The following ZNF268 variants were observed in gnomAD, a reference collection of about 807,000 sequenced individuals.
ZNF268 encodes zinc finger protein 268.
A neutral mutation model predicts 29.3 loss-of-function variants in ZNF268; 20 were observed. That is an observed-to-expected ratio of 0.68 (90% confidence interval 0.48 to 0.99). The LOEUF (loss-of-function observed/expected upper bound fraction) is 0.99. Ranked by LOEUF, ZNF268 falls within the 50% of genes least tolerant of loss-of-function variation. The probability of loss-of-function intolerance (pLI) is 0.00; values close to 1 mark genes in which losing one functional copy is unlikely to be tolerated. For missense variants in ZNF268, 1,240 were observed against 1,121.6 expected, an observed-to-expected ratio of 1.11 and a Z score of -1.51; for synonymous variants, 429 against 376.9, an observed-to-expected ratio of 1.14 and a Z score of -1.60.
chr12:133,202,077 T>C (rs1956763084), intron 5 of ZNF268, 67 bp from the exon 6 acceptor site: 6 of 1,312,478 alleles, frequency 4.6e-6, no homozygotes, highest in Non-Finnish European at 6.2e-6. Flanking sequence ...TCTTATTTCA[T>C]AGGCAACTTT....
At chr12:133,191,705 G>C (rs749867621) in intron 4 of ZNF268, 90 bp downstream of exon 4, 3 of 1,565,782 alleles carry the variant, frequency 1.9e-6, no homozygotes, top group African/African-American at 1.4e-5. Context: ...GAAATACTTA[G>C]TGATTTTGGA....
At chr12:133,193,624 G>A in intron 5 of ZNF268, 1 of 496,392 alleles carries the variant, frequency 2.0e-6, no homozygotes, top group Non-Finnish European at 3.6e-6. Flanking sequence ...CATTCATGAG[G>A]GCACAACTTA....
chr12:133,189,180 G>T (rs978399244), intron 3 of ZNF268, among the ~76,000 whole-genome samples: 37 of 147,084 alleles, frequency 2.5e-4, no homozygotes, highest in Non-Finnish European at 4.0e-4. Flanking sequence ...CTGTTTTGTT[G>T]TTGCTGTTGT....
In ZNF268 at chr12:133,184,479, C is replaced by T. The variant is rs759866175; in HGVS notation, c.33+2449C>T. ...GGAAGGGGGCAAAAAGGGAAGAATGCTGTGTCCTCACATGGCCAAAGAGAT... is the reference window on the plus strand; with the variant it reads ...GGAAGGGGGCAAAAAGGGAAGAATGTTGTGTCCTCACATGGCCAAAGAGAT... On this transcript the variant is annotated intron_variant, in intron 2 of 5. Transcript: ENST00000536435. 1.8e-3 allele frequency among the ~76,000 whole-genome samples: 269 copies of T among 152,268 alleles called. 1 individual carries two copies. Among genetic ancestry groups the T allele is most frequent in the East Asian group, 9.7e-4 (5 of 5,178 alleles).
At chr12:133,192,631 C>G (rs187255018) in intron 5 of ZNF268, among the ~76,000 whole-genome samples, 20 of 152,188 alleles carry the variant, frequency 1.3e-4, no homozygotes, top group South Asian at 8.3e-4. Context: ...CTTTTTGAAA[C>G]CTGTTAGTAG....
chr12:133,185,176 T>C (rs1956277878), intron 2 of ZNF268, among the ~76,000 whole-genome samples: 1 of 138,852 alleles, frequency 7.2e-6, no homozygotes, highest in South Asian at 2.4e-4. Context: ...AGAGTGAGAC[T>C]CTGTCTCAAA....
chr12:133,196,319 TAAAAAAA>T (rs58218652), intron 5 of ZNF268, among the ~76,000 whole-genome samples: 5 of 100,964 alleles, frequency 5.0e-5, no homozygotes, highest in Non-Finnish European at 8.0e-5. Context: ...AGACTCCATC[TAAAAAAA>T]AAAAAAAAAA....
Position 133,213,244 on chromosome 12 carries a change from T to G in ZNF268, c.*8714T>G, listed in dbSNP as rs1345391830. The G allele has an allele frequency of 6.6e-6, 1 of 152,230 alleles. No homozygotes were observed. The highest frequency in any genetic ancestry group is 2.4e-5 in the African/African-American group (1 of 41,454). 9.4% of individuals were successfully genotyped at this position (152,230 alleles called of 1,614,324 possible). On this transcript the variant is annotated 3_prime_UTR_variant, in exon 6 of 6. Coordinates refer to ENST00000536435, the MANE Select transcript of ZNF268 (RefSeq NM_003415.3). ...TCCTTTACCTAATGGCTAGTGATGTTGAAAATCTTTTCATGTACTTCTTGG... is the reference window on the plus strand; with the variant it reads ...TCCTTTACCTAATGGCTAGTGATGTGGAAAATCTTTTCATGTACTTCTTGG...
chr12:133,197,867 C>T (rs1228506142), intron 5 of ZNF268, among the ~76,000 whole-genome samples: 1 of 151,962 alleles, frequency 6.6e-6, no homozygotes. Flanking sequence ...TATCCTTTGC[C>T]CACTTTTTGA....
Position 133,213,258 on chromosome 12 carries a change from T to G in ZNF268, c.*8728T>G, listed in dbSNP as rs1396219716. 1.3e-5 allele frequency: 2 copies of G among 152,220 alleles called. No individual in the cohort carries two copies. Among genetic ancestry groups the G allele is most frequent in the African/African-American group, 4.8e-5 (2 of 41,456 alleles). 9.4% of individuals were successfully genotyped at this position (152,220 alleles called of 1,614,324 possible). A position where few individuals can be genotyped will look rare whatever the true frequency, so the allele number is the denominator to read the frequency against. On this transcript the variant is annotated 3_prime_UTR_variant, in exon 6 of 6. Transcript: ENST00000536435. ...GCTAGTGATGTTGAAAATCTTTTCA[T>G]GTACTTCTTGGCACTGGATTTGGCA...
intron 5 of ZNF268, among the ~76,000 whole-genome samples, chr12:133,192,835 A>AT (rs1239974117): frequency 6.6e-6 from 1 of 151,964 alleles, no homozygotes; most frequent in Non-Finnish European, 1.5e-5. Context: ...AATTTCTTGT[A>AT]TTTTTTGTAG....
In ZNF268 at chr12:133,209,073, A is replaced by T. The variant is rs996481404; in HGVS notation, c.*4543A>T. On this transcript the variant is annotated 3_prime_UTR_variant, in exon 6 of 6. Coordinates refer to ENST00000536435, the MANE Select transcript of ZNF268 (RefSeq NM_003415.3). ...ATTCTCCTGCCTCAGCCTCCCTAGT[A>T]GCTGGAATTACAGGCACACGCCACC... The T allele has an allele frequency of 1.3e-5, 2 of 150,660 alleles. No homozygotes were observed. Among genetic ancestry groups the T allele is most frequent in the Admixed American group, 1.3e-4 (2 of 14,994 alleles). 9.3% of individuals were successfully genotyped at this position (150,660 alleles called of 1,614,324 possible).
intron 5 of ZNF268, among the ~76,000 whole-genome samples, chr12:133,199,361 C>T (rs1309535475): frequency 6.6e-6 from 1 of 151,488 alleles, no homozygotes; most frequent in Non-Finnish European, 1.5e-5. Flanking sequence ...TATATTGAAC[C>T]AGCCTTGCAT....
chr12:133,206,463 CAGT>C lies in ZNF268; in HGVS notation c.*1934_*1936del, dbSNP rs1156315098. The C allele has an allele frequency of 2.6e-5, 4 of 151,926 alleles. No homozygotes were observed. Among genetic ancestry groups the C allele is most frequent in the African/African-American group, 4.8e-5 (2 of 41,336 alleles). 9.4% of individuals were successfully genotyped at this position (151,926 alleles called of 1,614,324 possible). On this transcript the variant is annotated 3_prime_UTR_variant, in exon 6 of 6. Coordinates refer to ENST00000536435, the MANE Select transcript of ZNF268 (RefSeq NM_003415.3). ...TTAGTTACATGTAGCTATAGAGTCA[CAGT>C]GGTGAAAAACTCTGCCAGTTGCTTA...
At position 133,187,949 on chromosome 12, in the gene ZNF268, A is replaced by T; in HGVS notation, c.111A>T (p.Gln37His). The stretch of plus-strand genomic sequence containing the variant: ...AAGGTCAGGAATCCATCTTGGGCCA[A>T]GGGACTCCTGGTCTGCAACCTCTCC... ...KLQGQESILG[Q>H]GTPGLQPLPG... The change falls in exon 3 of 6, where the codon CAA becomes CAT. Residue 37 changes from glutamine (Q) to histidine (H), a missense_variant. Physicochemically the swap from Gln to His is conservative, Grantham distance 24. This residue lies in a region of ZNF268 where 51 missense variants were observed against 51.4 expected (regional missense o/e 0.99). Transcript: ENST00000536435. The T allele has an allele frequency of 1.9e-6, 3 of 1,600,554 alleles. No individual in the cohort carries two copies. The highest frequency in any genetic ancestry group is 2.6e-6 in the Non-Finnish European group (3 of 1,173,368).
At position 133,209,479 on chromosome 12, in the gene ZNF268, A is replaced by G. The variant is rs774522722; in HGVS notation, c.*4949A>G. The G allele has an allele frequency of 2.6e-5, 4 of 152,224 alleles. No homozygotes were observed. Among genetic ancestry groups the G allele is most frequent in the Admixed American group, 1.3e-4 (2 of 15,286 alleles). The allele number at this position is 152,224 out of a possible 1,614,324, so 9.4% of individuals were successfully genotyped here. A position where few individuals can be genotyped will look rare whatever the true frequency, so the allele number is the denominator to read the frequency against. On this transcript the variant is annotated 3_prime_UTR_variant, in exon 6 of 6. Coordinates refer to ENST00000536435, the MANE Select transcript of ZNF268 (RefSeq NM_003415.3). ...TTTAAATGAAGTTGCAAGTTTTAAC[A>G]TGTCTACTCTTTAATTTTCAACATT... is the stretch of plus-strand genomic sequence containing the variant.
Position 133,188,245 on chromosome 12 carries a change from G to A in ZNF268, c.234+173G>A, listed in dbSNP as rs1300393485. The A allele has an allele frequency of 9.9e-6, 6 of 607,444 alleles. No homozygotes were observed. In the East Asian group the frequency reaches 1.7e-4, roughly 17 times the overall value. 37.6% of individuals were successfully genotyped at this position (607,444 alleles called of 1,614,324 possible). A position where few individuals can be genotyped will look rare whatever the true frequency, so the allele number is the denominator to read the frequency against. On this transcript the variant is annotated intron_variant, in intron 3 of 5. Coordinates refer to ENST00000536435, the MANE Select transcript of ZNF268 (RefSeq NM_003415.3). ...AGGGTCTTGGTCTGTTGCCCAGAGTGGAGCGCAGTGGTGCAATCATAACTC... is the reference window on the plus strand; with the variant it reads ...AGGGTCTTGGTCTGTTGCCCAGAGTAGAGCGCAGTGGTGCAATCATAACTC...
rs1956818764 is a variant in ZNF268 at position 133,203,735 on chromosome 12, CATT to C, written c.2050_2052del (p.Ile684del). The stretch of plus-strand genomic sequence containing the variant: ...AAACCTTTAGTTTGAAGTCCCAGCT[CATT>C]GTACATCAGAGAAGTCACACAGGAG... On this transcript the variant is annotated inframe_deletion, in exon 6 of 6. Transcript: ENST00000536435. 1 of 1,554,254 alleles carries C rather than the reference CATT, an allele frequency of 6.4e-7. No homozygotes were observed. The highest frequency in any genetic ancestry group is 1.7e-4 in the Middle Eastern group (1 of 6,002).
Position 133,202,410 on chromosome 12 carries a change from A to T in ZNF268, c.724A>T (p.Thr242Ser). 3.7e-6 allele frequency: 6 copies of T among 1,611,074 alleles called. No homozygotes were observed. Among genetic ancestry groups the T allele is most frequent in the Non-Finnish European group, 4.2e-6 (5 of 1,178,416 alleles). The change falls in exon 6 of 6, where the codon ACT (threonine) becomes TCT (serine). Residue 242 changes from threonine (T) to serine (S), a missense_variant. By Grantham distance (58) the Thr-to-Ser change is moderately conservative (BLOSUM62 1). Coordinates refer to ENST00000536435, the MANE Select transcript of ZNF268 (RefSeq NM_003415.3). ...ATTCTTCCATTCTAAACATGAGCAA[A>T]CTGTTATTGGAATAAAATACTGTGA... is the stretch of plus-strand genomic sequence containing the variant. ...KSFFHSKHEQ[T>S]VIGIKYCESI... is the part of the protein sequence containing the mutation.
Sources: allele counts gnomAD v4.1 joint callset (sites outside exome capture counted in the v4.1 genomes callset), GRCh38; gene constraint gnomAD v4.1.1; regional missense constraint gnomAD v4.1.1; transcripts MANE v1.5; gene names NCBI Gene and HGNC (gene_info 2026-07-23, HGNC 2026-07-21).